CTNND2: variants seen among roughly 807,000 people sequenced by gnomAD.
CTNND2 encodes the protein catenin delta 2, also known as catenin delta-2.
Under a neutral mutation model 144.4 loss-of-function variants are expected in CTNND2, and 22 were observed. That is an observed-to-expected ratio of 0.15 (90% confidence interval 0.11 to 0.22). The LOEUF (loss-of-function observed/expected upper bound fraction) is 0.22. Ranked by LOEUF, CTNND2 falls within the 10% of genes least tolerant of loss-of-function variation. CTNND2 has a pLI of 1.00. For missense variants in CTNND2, 1,353 were observed against 1,618.8 expected (o/e 0.84, Z 2.82); for synonymous variants, 751 against 695.6 (o/e 1.08, Z -1.25).
intron 8 of CTNND2, among the ~76,000 whole-genome samples, chr5:11,352,989 A>G (rs10513097): frequency 0.22 from 32,964 of 151,488 alleles, 3,856 homozygotes; most frequent in South Asian, 0.3. Context: ...AGCACTGTGC[A>G]TTTTAGTTGT....
intron 16 of CTNND2, among the ~76,000 whole-genome samples, chr5:11,026,346 CCTT>C (rs1205018995): frequency 2.8e-5 from 4 of 140,588 alleles, no homozygotes; most frequent in Non-Finnish European, 3.1e-5. Flanking sequence ...GACTACTCCA[CCTT>C]CTTCTTCTTT....
At chr5:11,401,639 A>T (rs1269359509) in intron 5 of CTNND2, among the ~76,000 whole-genome samples, 1 of 152,194 alleles carries the variant, frequency 6.6e-6, no homozygotes, top group Non-Finnish European at 1.5e-5. Flanking sequence ...GATTGTCCTG[A>T]GCAGTTTCCA....
At chr5:11,145,439 CT>C (rs1757151266) in intron 12 of CTNND2, among the ~76,000 whole-genome samples, 1 of 152,122 alleles carries the variant, frequency 6.6e-6, no homozygotes, top group African/African-American at 2.4e-5. Flanking sequence ...ATTACACAAC[CT>C]GTAGTTTCTA....
Position 11,710,256 on chromosome 5 carries a change from G to A in CTNND2, c.174+21880C>T, listed in dbSNP as rs112625249. Among the ~76,000 whole-genome samples the A allele has an allele frequency of 4.4e-3, 672 of 152,156 alleles. 7 individuals are homozygous for A. The highest frequency in any genetic ancestry group is 0.015 in the African/African-American group (630 of 41,500). On this transcript the variant is annotated intron_variant, in intron 2 of 21. Coordinates refer to ENST00000304623, the MANE Select transcript of CTNND2 (RefSeq NM_001332.4). The stretch of plus-strand genomic sequence containing the variant: ...CAGGTGATGGTTTAAGGAACCCTTC[G>A]GTCCGGCTGGGTGCCGTGGCTCACA...
intron 2 of CTNND2, among the ~76,000 whole-genome samples, chr5:11,678,824 A>G (rs994384125): frequency 5.3e-5 from 8 of 152,108 alleles, no homozygotes; most frequent in African/African-American, 1.9e-4. Flanking sequence ...TGAAAAATCC[A>G]GAGTACTGGA....
chr5:11,096,525 T>C (rs959638920), intron 15 of CTNND2, among the ~76,000 whole-genome samples: 6 of 152,190 alleles, frequency 3.9e-5, no homozygotes, highest in African/African-American at 1.4e-4. Flanking sequence ...TAGTATTCCA[T>C]GGTGTAAATG....
chr5:11,210,632 T>A (rs1738530672), intron 10 of CTNND2, among the ~76,000 whole-genome samples: 1 of 152,170 alleles, frequency 6.6e-6, no homozygotes, highest in Admixed American at 6.5e-5. Flanking sequence ...TTGTTCAACA[T>A]CTCAAAGAGA....
chr5:11,552,306 A>G (rs2150086306), intron 3 of CTNND2, among the ~76,000 whole-genome samples: 1 of 152,354 alleles, frequency 6.6e-6, no homozygotes, highest in South Asian at 2.1e-4. Context: ...GAAAACATTC[A>G]GACCATATGA....
chr5:11,077,305 G>A (rs935818662), intron 16 of CTNND2, among the ~76,000 whole-genome samples: 1 of 152,130 alleles, frequency 6.6e-6, no homozygotes, highest in African/African-American at 2.4e-5. Context: ...AGGTAATTGG[G>A]GCTGTGGAGA....
At chr5:11,449,680 A>G (rs1765131768) in intron 3 of CTNND2, among the ~76,000 whole-genome samples, 1 of 152,232 alleles carries the variant, frequency 6.6e-6, no homozygotes, top group Non-Finnish European at 1.5e-5. Context: ...CTTGAAGATG[A>G]AAGAATCCTG....
chr5:11,342,258 T>C (rs1754352249), intron 9 of CTNND2, among the ~76,000 whole-genome samples: 1 of 152,242 alleles, frequency 6.6e-6, no homozygotes, highest in South Asian at 2.1e-4. Context: ...GTTGTTACTA[T>C]TTCGAAACAG....
intron 8 of CTNND2, among the ~76,000 whole-genome samples, chr5:11,359,663 CTG>C (rs2149762346): frequency 6.6e-6 from 1 of 152,304 alleles, no homozygotes; most frequent in African/African-American, 2.4e-5. Flanking sequence ...CACTTTCTAT[CTG>C]TCTCTCTATT....
chr5:11,565,392 C>T (rs866385066), intron 2 of CTNND2, among the ~76,000 whole-genome samples: 12 of 152,260 alleles, frequency 7.9e-5, no homozygotes, highest in Middle Eastern at 6.8e-3. Flanking sequence ...CAACAGGTAC[C>T]AATACTCCTG....
intron 12 of CTNND2, among the ~76,000 whole-genome samples, chr5:11,130,142 T>A (rs1755426295): frequency 6.6e-6 from 1 of 152,156 alleles, no homozygotes; most frequent in Non-Finnish European, 1.5e-5. Context: ...GGTAATTGCT[T>A]TGCTGAGCTG....
intron 21 of CTNND2, among the ~76,000 whole-genome samples, chr5:10,977,863 AGAG>A (rs1465431473): frequency 1.3e-5 from 2 of 152,240 alleles, no homozygotes; most frequent in Non-Finnish European, 2.9e-5. Flanking sequence ...CTTTAAGCTC[AGAG>A]TTCACTGAAA....
At chr5:11,371,356 C>T (rs999008576) in intron 7 of CTNND2, among the ~76,000 whole-genome samples, 2 of 152,200 alleles carry the variant, frequency 1.3e-5, no homozygotes, top group Admixed American at 6.5e-5. Context: ...AACATTATCT[C>T]AGAAATGTGT....
At chr5:11,305,262 T>C (rs1750071580) in intron 9 of CTNND2, among the ~76,000 whole-genome samples, 1 of 152,176 alleles carries the variant, frequency 6.6e-6, no homozygotes, top group African/African-American at 2.4e-5. Flanking sequence ...TTTAAGTGGA[T>C]TCCCCAGGAT....
intron 2 of CTNND2, among the ~76,000 whole-genome samples, chr5:11,687,949 A>C (rs1421579962): frequency 6.6e-6 from 1 of 152,166 alleles, no homozygotes; most frequent in Non-Finnish European, 1.5e-5. Flanking sequence ...GAAAACCATA[A>C]GGCAAGGACC....
At chr5:11,742,680 A>G (rs1477219345) in intron 1 of CTNND2, among the ~76,000 whole-genome samples, 1 of 152,212 alleles carries the variant, frequency 6.6e-6, no homozygotes, top group East Asian at 1.9e-4. Flanking sequence ...TTATTTAAAT[A>G]TATATGTAAA....
Sources: allele counts gnomAD v4.1 joint callset (sites outside exome capture counted in the v4.1 genomes callset), GRCh38; gene constraint gnomAD v4.1.1; transcripts MANE v1.5; gene names NCBI Gene and HGNC (gene_info 2026-07-23, HGNC 2026-07-21).